The following KCTD8 variants were observed in gnomAD, a reference collection of about 807,000 sequenced individuals.
KCTD8 encodes BTB/POZ domain-containing protein KCTD8.
A neutral mutation model predicts 31.5 loss-of-function variants in KCTD8; 27 were observed. The observed-to-expected ratio is 0.86, with a 90% CI of 0.63 to 1.18. The LOEUF (loss-of-function observed/expected upper bound fraction) is 1.18, where lower values mean the gene tolerates loss of function less well. Ranked by LOEUF, KCTD8 falls within the 50% of genes most tolerant of loss-of-function variation. KCTD8 has a pLI of 0.00. For missense variants in KCTD8, 658 were observed against 647.7 expected, an observed-to-expected ratio of 1.02 and a Z score of -0.17; for synonymous variants, 290 against 280.0, an observed-to-expected ratio of 1.04 and a Z score of -0.36.
At chr4:44,336,345 A>G (rs1718744191) in intron 1 of KCTD8, among the ~76,000 whole-genome samples, 1 of 151,768 alleles carries the variant, frequency 6.6e-6, no homozygotes, top group South Asian at 2.1e-4. Context: ...AAAATTAGAA[A>G]AAGAACATCT....
chr4:44,352,170 T>C (rs890326097), intron 1 of KCTD8, among the ~76,000 whole-genome samples: 23 of 152,018 alleles, frequency 1.5e-4, no homozygotes, highest in Non-Finnish European at 3.1e-4. Flanking sequence ...AAAGTCTTAT[T>C]AGCCATATGG....
chr4:44,232,712 A>T (rs535033885), intron 1 of KCTD8, among the ~76,000 whole-genome samples: 15 of 152,288 alleles, frequency 9.8e-5, no homozygotes, highest in Non-Finnish European at 1.3e-4. Context: ...TAAACAACAA[A>T]CAGAATAATA....
At chr4:44,337,213 C>T (rs1718772513) in intron 1 of KCTD8, among the ~76,000 whole-genome samples, 1 of 152,042 alleles carries the variant, frequency 6.6e-6, no homozygotes, top group Admixed American at 6.6e-5. Context: ...TCAGTAAAGA[C>T]AGGCTGGTAG....
chr4:44,388,098 A>C (rs1393633398), intron 1 of KCTD8, among the ~76,000 whole-genome samples: 1 of 151,810 alleles, frequency 6.6e-6, no homozygotes, highest in Non-Finnish European at 1.5e-5. Context: ...AACAATCATA[A>C]TTTAAAAAGT....
chr4:44,327,892 G>A (rs1290079046), intron 1 of KCTD8, among the ~76,000 whole-genome samples: 1 of 151,760 alleles, frequency 6.6e-6, no homozygotes, highest in Non-Finnish European at 1.5e-5. Context: ...ATCAGACACT[G>A]TTCCAAGTAA....
intron 1 of KCTD8, among the ~76,000 whole-genome samples, chr4:44,264,393 C>T (rs1163408039): frequency 2.6e-5 from 4 of 152,090 alleles, no homozygotes; most frequent in Non-Finnish European, 4.4e-5. Context: ...ATTTGTTTCA[C>T]ATTAGGGCAG....
intron 1 of KCTD8, among the ~76,000 whole-genome samples, chr4:44,213,697 C>T (rs1714561042): frequency 6.6e-6 from 1 of 152,054 alleles, no homozygotes; most frequent in Admixed American, 6.6e-5. Flanking sequence ...TTTTATCCCT[C>T]GAATATCTAA....
chr4:44,448,647 G>T lies in KCTD8; in HGVS notation c.-124C>A. 9.3e-7 allele frequency: 1 copy of T among 1,080,222 alleles called. No homozygotes were observed. Among genetic ancestry groups the T allele is most frequent in the Middle Eastern group, 3.3e-4 (1 of 2,986 alleles). 66.9% of individuals were successfully genotyped at this position (1,080,222 alleles called of 1,614,324 possible). A position where few individuals can be genotyped will look rare whatever the true frequency, so the allele number is the denominator to read the frequency against. Reference sequence around the variant, plus strand: ...CTCGGACTGGGCGGCGCGTTCCTCCGACCGGGGCGGCCCCGCTCAGGGTTC... The same window carrying T: ...CTCGGACTGGGCGGCGCGTTCCTCCTACCGGGGCGGCCCCGCTCAGGGTTC... On this transcript the variant is annotated 5_prime_UTR_variant, in exon 1 of 2. Coordinates refer to ENST00000360029, the MANE Select transcript of KCTD8 (RefSeq NM_198353.3). This position sits in a 1 kb window ranked among gnomAD's most constrained non-coding sequence, Gnocchi z 4.1.
At chr4:44,193,950 C>G (rs1713845579) in intron 1 of KCTD8, among the ~76,000 whole-genome samples, 1 of 151,966 alleles carries the variant, frequency 6.6e-6, no homozygotes, top group South Asian at 2.1e-4. Context: ...GTAAAATTTA[C>G]AGAGTGAAAT....
At chr4:44,360,900 C>A (rs1320803618) in intron 1 of KCTD8, among the ~76,000 whole-genome samples, 1 of 151,744 alleles carries the variant, frequency 6.6e-6, no homozygotes, top group Non-Finnish European at 1.5e-5. Flanking sequence ...CATTTGATTC[C>A]CAATATTTCA....
intron 1 of KCTD8, among the ~76,000 whole-genome samples, chr4:44,345,996 G>C (rs1040038757): frequency 6.6e-5 from 10 of 152,056 alleles, no homozygotes; most frequent in Admixed American, 2.0e-4. Flanking sequence ...TGGTACTAGA[G>C]ATTTCAATCT....
intron 1 of KCTD8, among the ~76,000 whole-genome samples, chr4:44,302,775 G>A (rs371328942): frequency 2.7e-5 from 4 of 149,358 alleles, no homozygotes; most frequent in African/African-American, 4.9e-5. Flanking sequence ...AGTGGTGAGA[G>A]AGGGCATCCC....
At chr4:44,328,282 G>A (rs934829141) in intron 1 of KCTD8, among the ~76,000 whole-genome samples, 1 of 151,888 alleles carries the variant, frequency 6.6e-6, no homozygotes, top group African/African-American at 2.4e-5. Flanking sequence ...CAAATCATTG[G>A]TTAATTTGTT....
chr4:44,384,203 T>A (rs530323153), intron 1 of KCTD8, among the ~76,000 whole-genome samples: 1 of 151,938 alleles, frequency 6.6e-6, no homozygotes, highest in Admixed American at 6.6e-5. Context: ...AGAACTCTTA[T>A]ACATTGTTGG....
At chr4:44,425,305 C>T (rs1054589378) in intron 1 of KCTD8, among the ~76,000 whole-genome samples, 1 of 152,006 alleles carries the variant, frequency 6.6e-6, no homozygotes, top group African/African-American at 2.4e-5. Context: ...TGTTGTCCTA[C>T]CTGCATCTGA....
chr4:44,407,873 G>A (rs983723413), intron 1 of KCTD8, among the ~76,000 whole-genome samples: 63 of 152,104 alleles, frequency 4.1e-4, no homozygotes, highest in African/African-American at 1.4e-3. Context: ...GTTTCCTCAG[G>A]TTCTGCAAAC....
At chr4:44,397,998 G>T (rs1308804004) in intron 1 of KCTD8, among the ~76,000 whole-genome samples, 3 of 151,982 alleles carry the variant, frequency 2.0e-5, no homozygotes, top group Non-Finnish European at 4.4e-5. Flanking sequence ...ATTGTTTAAT[G>T]CAATCGACTC....
At chr4:44,321,126 A>G (rs543769982) in intron 1 of KCTD8, among the ~76,000 whole-genome samples, 2 of 152,306 alleles carry the variant, frequency 1.3e-5, no homozygotes, top group East Asian at 3.9e-4. Flanking sequence ...TTATCACTTC[A>G]CTGCATTTAT....
intron 1 of KCTD8, among the ~76,000 whole-genome samples, chr4:44,319,461 T>TAAAA (rs752761296): frequency 8.1e-5 from 11 of 136,490 alleles, no homozygotes; most frequent in African/African-American, 2.4e-4. Flanking sequence ...ACCCCTGTGG[T>TAAAA]AAAAAAAAAA....
Sources: allele counts gnomAD v4.1 joint callset (sites outside exome capture counted in the v4.1 genomes callset), GRCh38; gene constraint gnomAD v4.1.1; non-coding constraint Gnocchi (gnomAD v3.1); transcripts MANE v1.5; gene names NCBI Gene and HGNC (gene_info 2026-07-23, HGNC 2026-07-21).